Variants in NBEA observed in about 807,000 individuals in gnomAD.
NBEA encodes the protein lysosomal-trafficking regulator 2.
Under a neutral mutation model 343.4 loss-of-function variants are expected in NBEA, and 44 were observed. That is an observed-to-expected ratio of 0.13 (90% CI 0.10 to 0.16). The LOEUF (loss-of-function observed/expected upper bound fraction) is 0.16, where lower values mean the gene tolerates loss of function less well. NBEA is among the 10% of genes least tolerant of loss of function. NBEA has a pLI of 1.00. For missense variants in NBEA, 2,555 were observed against 3,631.3 expected (o/e 0.70, Z 7.62); for synonymous variants, 1,175 against 1,238.7 (o/e 0.95, Z 1.08).
chr13:35,285,749 G>A (rs138742336), intron 34 of NBEA, among the ~76,000 whole-genome samples: 1 of 152,264 alleles, frequency 6.6e-6, no homozygotes, highest in East Asian at 1.9e-4. Flanking sequence ...ACAGAAAGTG[G>A]TCTTTCCAAA....
chr13:34,947,478 A>G (rs1380671311), intron 1 of NBEA, among the ~76,000 whole-genome samples: 1 of 152,140 alleles, frequency 6.6e-6, no homozygotes, highest in Non-Finnish European at 1.5e-5. Context: ...GTATTATAAA[A>G]TTCAGTCACC....
chr13:35,050,221 A>C, intron 5 of NBEA, 48 bp from the exon 6 acceptor site: 1 of 1,558,414 alleles, frequency 6.4e-7, no homozygotes, highest in Non-Finnish European at 8.7e-7. Flanking sequence ...TTAGGTGTTT[A>C]GTTCTTTTTA....
intron 40 of NBEA, among the ~76,000 whole-genome samples, chr13:35,471,915 A>G (rs956476222): frequency 3.3e-5 from 5 of 152,150 alleles, no homozygotes; most frequent in African/African-American, 1.2e-4. Context: ...ACCGCTCTGA[A>G]CAGCGGAATT....
rs370661296 is a variant in NBEA at position 35,626,010 on chromosome 13, C to T, written c.7450-2071C>T. Among the ~76,000 whole-genome samples the T allele has an allele frequency of 8.9e-4, 135 of 152,238 alleles. 3 individuals carry two copies. The South Asian group carries it at 0.028, about 32-fold the overall frequency. On this transcript the variant is annotated intron_variant, in intron 48 of 58. Transcript: ENST00000379939. ...AGAAAGATCCAAAAGGGGCATTTATCACAGGCTTGTGTCATGGGGATTAGA... is the reference window on the plus strand; with the variant it reads ...AGAAAGATCCAAAAGGGGCATTTATTACAGGCTTGTGTCATGGGGATTAGA...
rs370988749 is a variant in NBEA, at chr13:35,222,371, TA to T, written c.5649-10114del. Among the ~76,000 whole-genome samples, 129 of 152,198 alleles carry T rather than the reference TA, an allele frequency of 8.5e-4. 2 individuals are homozygous for T. The South Asian group carries it at 0.026, about 30-fold the overall frequency. ...TTATACTTAAAGCAGTTCTGCTTTT[TA>T]AAAAAATCAAACTGACAATTTTTAT... On this transcript the variant is annotated intron_variant, in intron 33 of 58. Coordinates refer to ENST00000379939, the MANE Select transcript of NBEA (RefSeq NM_001385012.1).
intron 38 of NBEA, among the ~76,000 whole-genome samples, chr13:35,378,595 G>A (rs1014446501): frequency 2.0e-5 from 3 of 151,860 alleles, no homozygotes; most frequent in Non-Finnish European, 2.9e-5. Context: ...CGTTGAAATG[G>A]ACTATAGATC....
At chr13:35,365,475 A>G (rs546025229) in intron 38 of NBEA, among the ~76,000 whole-genome samples, 45 of 151,772 alleles carry the variant, frequency 3.0e-4, no homozygotes, top group Admixed American at 2.0e-3. Flanking sequence ...CTCTTAGTCT[A>G]TAACTTAGCT....
chr13:35,164,269 C>A lies in NBEA; in HGVS notation c.4080-87C>A, dbSNP rs746870367. 11 of 1,175,368 alleles carry A rather than the reference C, an allele frequency of 9.4e-6. No individual in the cohort carries two copies. The East Asian group carries it at 1.1e-4, about 11-fold the overall frequency. The allele number at this position is 1,175,368 out of a possible 1,614,324, so 72.8% of individuals were successfully genotyped here. A position where few individuals can be genotyped will look rare whatever the true frequency, so the allele number is the denominator to read the frequency against. ...TTAAATATAGCTAGCTCCTACAGTT[C>A]TATAATTTTTCACTTGTTATTCTAA... On this transcript the variant is annotated intron_variant, in intron 23 of 58. Transcript: ENST00000379939.
At chr13:35,104,198 A>G (rs117234436) in intron 11 of NBEA, among the ~76,000 whole-genome samples, 6,948 of 151,940 alleles carry the variant, frequency 0.046, 238 homozygotes, top group Non-Finnish European at 0.067. Flanking sequence ...CTTTGATTCT[A>G]TGCTTCATTC....
At chr13:35,547,074 C>G (rs2079100045) in intron 41 of NBEA, among the ~76,000 whole-genome samples, 1 of 152,074 alleles carries the variant, frequency 6.6e-6, no homozygotes, top group Non-Finnish European at 1.5e-5. Context: ...TTTCATCAGC[C>G]CTTTTAGGAT....
At chr13:35,360,788 T>G (rs2040765332) in intron 38 of NBEA, among the ~76,000 whole-genome samples, 1 of 151,858 alleles carries the variant, frequency 6.6e-6, no homozygotes, top group South Asian at 2.1e-4. Context: ...GAACAAAATT[T>G]TATAATTGAA....
At chr13:35,290,969 GT>G (rs1387698666) in intron 35 of NBEA, among the ~76,000 whole-genome samples, 1 of 151,554 alleles carries the variant, frequency 6.6e-6, no homozygotes, top group Admixed American at 6.6e-5. Context: ...TGAGCTGTTT[GT>G]CTTTAATAAT....
At chr13:35,626,313 A>T (rs949276832) in intron 48 of NBEA, among the ~76,000 whole-genome samples, 1 of 152,166 alleles carries the variant, frequency 6.6e-6, no homozygotes, top group African/African-American at 2.4e-5. Flanking sequence ...GGAGATGGAG[A>T]TAAAAGAGAA....
At chr13:35,445,608 T>G (rs903215302) in intron 39 of NBEA, among the ~76,000 whole-genome samples, 1 of 151,670 alleles carries the variant, frequency 6.6e-6, no homozygotes, top group Non-Finnish European at 1.5e-5. Context: ...TTAACTAATG[T>G]GCATGTAAAA....
chr13:35,474,983 A>G, intron 41 of NBEA: 1 of 1,451,892 alleles, frequency 6.9e-7, no homozygotes, highest in East Asian at 2.3e-5. Flanking sequence ...GTGGAATATT[A>G]GGAATTGAAC....
intron 24 of NBEA, among the ~76,000 whole-genome samples, chr13:35,165,847 G>T (rs555131965): frequency 1.3e-5 from 2 of 151,818 alleles, no homozygotes; most frequent in Non-Finnish European, 2.9e-5. Context: ...ACCACACCCA[G>T]CTAATTTTTG....
Position 34,954,907 on chromosome 13 carries a change from T to G in NBEA, c.294+11793T>G, listed in dbSNP as rs537867621. Among the ~76,000 whole-genome samples, 906 of 152,330 alleles carry G rather than the reference T, an allele frequency of 5.9e-3. 4 individuals carry two copies. The highest frequency in any genetic ancestry group is 8.9e-3 in the Non-Finnish European group (606 of 68,032). ...CCCCTATTGGTTGAATCTATGGATG[T>G]AGAACTCATGGATACAGAGGGTCCA... On this transcript the variant is annotated intron_variant, in intron 1 of 58. Coordinates refer to ENST00000379939, the MANE Select transcript of NBEA (RefSeq NM_001385012.1).
chr13:35,469,845 T>A (rs2075566108), intron 40 of NBEA, among the ~76,000 whole-genome samples: 1 of 152,330 alleles, frequency 6.6e-6, no homozygotes, highest in East Asian at 1.9e-4. Flanking sequence ...TGGAAAGGGA[T>A]CCGAGGTTTT....
chr13:35,542,160 C>A (rs1054615582), intron 41 of NBEA, among the ~76,000 whole-genome samples: 4 of 151,836 alleles, frequency 2.6e-5, no homozygotes, highest in Non-Finnish European at 5.9e-5. Flanking sequence ...ACACCCCCCC[C>A]CCACCGCATA....
Sources: gnomAD v4.1 joint callset for allele counts (sites outside exome capture counted in the v4.1 genomes callset) on GRCh38, gnomAD v4.1.1 for gene constraint, MANE v1.5 for transcripts, NCBI Gene and HGNC (gene_info 2026-07-23, HGNC 2026-07-21) for gene names.